HPN: variants seen among roughly 807,000 people sequenced by gnomAD.
The protein encoded by HPN is serine protease hepsin.
HPN carries 13 observed loss-of-function variants against 55.9 expected under a neutral mutation model. The observed-to-expected ratio is 0.23, with a 90% confidence interval of 0.15 to 0.37. The LOEUF (loss-of-function observed/expected upper bound fraction) is 0.37. Among genes scored for constraint, HPN ranks in the 10% least tolerant of loss-of-function variants. The pLI is 1.00. For synonymous variants in HPN, 225 were observed against 240.3 expected (o/e 0.94, Z 0.59); for missense variants, 451 against 575.8 (o/e 0.78, Z 2.22).
chr19:35,046,433 C>T (rs558127180), intron 2 of HPN, among the ~76,000 whole-genome samples: 2 of 152,004 alleles, frequency 1.3e-5, no homozygotes, highest in South Asian at 2.1e-4. Context: ...TTAGTAGAGG[C>T]GGGGTTTCAC....
intron 4 of HPN, among the ~76,000 whole-genome samples, chr19:35,052,434 A>G (rs779378988): frequency 1.3e-5 from 2 of 150,990 alleles, no homozygotes; most frequent in African/African-American, 2.4e-5. Context: ...AGGCTGAGGC[A>G]GGAGAACTGT....
chr19:35,051,593 A>G (rs943050738), intron 4 of HPN, among the ~76,000 whole-genome samples: 29 of 151,972 alleles, frequency 1.9e-4, no homozygotes, highest in African/African-American at 7.0e-4. Flanking sequence ...GACTTGCCCC[A>G]GGTCATGGAG....
chr19:35,061,492 G>A (rs931327036), intron 9 of HPN, among the ~76,000 whole-genome samples: 8 of 152,172 alleles, frequency 5.3e-5, no homozygotes, highest in Non-Finnish European at 1.5e-5. Context: ...TACTCGGGAG[G>A]ATGAGGCAGG....
intron 2 of HPN, among the ~76,000 whole-genome samples, chr19:35,047,439 C>T (rs2064352871): frequency 6.6e-6 from 1 of 152,222 alleles, no homozygotes; most frequent in Non-Finnish European, 1.5e-5. Context: ...GATCCCTGAT[C>T]CCCTGCAGAA....
At chr19:35,066,203 G>A (rs201702432) in intron 12 of HPN, 46 bp from the exon 13 acceptor site, 18 of 1,613,938 alleles carry the variant, frequency 1.1e-5, no homozygotes, top group African/African-American at 2.7e-5. Flanking sequence ...GTGGTGGGAC[G>A]TGGAAGCCTC....
At position 35,060,391 on chromosome 19, in the gene HPN, C is replaced by T. The variant is rs746199985; in HGVS notation, c.499C>T (p.Arg167Trp). 8 of 1,612,842 alleles carry T rather than the reference C, an allele frequency of 5.0e-6. No homozygotes were observed. Among genetic ancestry groups the T allele is most frequent in the African/African-American group, 2.7e-5 (2 of 75,056 alleles). The change falls in exon 8 of 13, where the codon CGG becomes TGG. Residue 167 changes from arginine to tryptophan, a missense_variant. Coordinates refer to ENST00000672452, the MANE Select transcript of HPN (RefSeq NM_001384133.1). ...GCCCGTGGACCGCATCGTGGGAGGC[C>T]GGGACACCAGCTTGGGCCGGTGGCC... ...KLPVDRIVGG[R>W]DTSLGRWPWQ...
At chr19:35,042,099 C>G (rs2064300249) in intron 1 of HPN, 1 of 1,114,754 alleles carries the variant, frequency 9.0e-7, no homozygotes, top group Admixed American at 4.7e-5. Context: ...TTCCAGCCCT[C>G]AGGCCCCTCC....
At chr19:35,042,290 C>T in intron 1 of HPN, 163 bp from the exon 2 acceptor site, 1 of 1,393,394 alleles carries the variant, frequency 7.2e-7, no homozygotes, top group Non-Finnish European at 9.3e-7. Flanking sequence ...CAGACACTGA[C>T]CCCATCCTTG....
chr19:35,066,042 G>A lies in HPN; in HGVS notation c.1215+10G>A. ...CTTCCAGGCCATAAAGGTGAAAGTT[G>A]GGTCCAGATGGGAGCCAGGGTGGGG... is the stretch of plus-strand genomic sequence containing the variant. On this transcript the variant is annotated intron_variant, in intron 12 of 12. Transcript: ENST00000672452. 6.2e-7 allele frequency: 1 copy of A among 1,609,806 alleles called. No homozygotes were observed.
In HPN at chr19:35,048,082, A is replaced by AAAGGAAGG. The variant is rs1555723024; in HGVS notation, c.17-1197_17-1190dup. Among the ~76,000 whole-genome samples, 166 of 97,016 alleles carry AAAGGAAGG rather than the reference A, an allele frequency of 1.7e-3. 3 individuals are homozygous for AAAGGAAGG. Among genetic ancestry groups the AAAGGAAGG allele is most frequent in the South Asian group, 3.6e-3 (10 of 2,798 alleles). The allele number at this position is 97,016 out of a possible 152,430, so 63.6% of individuals were successfully genotyped here. A position where few individuals can be genotyped will look rare whatever the true frequency, so the allele number is the denominator to read the frequency against. On this transcript the variant is annotated intron_variant, in intron 2 of 12. Coordinates refer to ENST00000672452, the MANE Select transcript of HPN (RefSeq NM_001384133.1). ...AAAGAAAGAAAGAAAGAAAGAAAGA[A>AAAGGAAGG]AAGGAAGGAAGGAAGGAAAAGAAAA...
At position 35,059,818 on chromosome 19, in the gene HPN, G is replaced by A. The variant is rs367644236; in HGVS notation, c.290+16G>A. ...GCTTCCTCAGGTACTGGGGGCCCTCGGAGGGGTGGGAGCCGGGAGGGGCTG... is the reference window on the plus strand; with the variant it reads ...GCTTCCTCAGGTACTGGGGGCCCTCAGAGGGGTGGGAGCCGGGAGGGGCTG... On this transcript the variant is annotated intron_variant, in intron 5 of 12. Coordinates refer to ENST00000672452, the MANE Select transcript of HPN (RefSeq NM_001384133.1). 2.5e-4 allele frequency: 384 copies of A among 1,544,506 alleles called. 4 individuals are homozygous for A. Among genetic ancestry groups the A allele is most frequent in the Middle Eastern group, 1.6e-3 (9 of 5,752 alleles).
In HPN at chr19:35,060,474, C is replaced by T. The variant is rs370816267; in HGVS notation, c.582C>T (p.Ser194=). ...ACCTCTGTGGGGGATCCCTGCTCTC[C>T]GGGGACTGGGTGCTGACAGCCGCCC... The part of the protein sequence containing the change: ...GAHLCGGSLL[S]GDWVLTAAHC... Residue 194 remains serine, a synonymous_variant, in exon 8 of 13, where the codon TCC becomes TCT. Transcript: ENST00000672452. The T allele has an allele frequency of 5.7e-5, 92 of 1,613,260 alleles. No individual in the cohort carries two copies. Among genetic ancestry groups the T allele is most frequent in the Non-Finnish European group, 6.9e-5 (81 of 1,179,996 alleles).
At position 35,065,320 on chromosome 19, in the gene HPN, G is replaced by A. The variant is rs139123237; in HGVS notation, c.882G>A (p.Thr294=). The part of the protein sequence containing the change: ...ALVDGKICTV[T]GWGNTQYYGQ... ...TGGATGGCAAGATCTGTACCGTGAC[G>A]GGCTGGGGCAACACGCAGTACTATG... The change falls in exon 10 of 13, where the codon ACG becomes ACA. Residue 294 remains threonine, a synonymous_variant. Coordinates refer to ENST00000672452, the MANE Select transcript of HPN (RefSeq NM_001384133.1). 3.6e-5 allele frequency: 58 copies of A among 1,613,774 alleles called. No individual in the cohort carries two copies. Among genetic ancestry groups the A allele is most frequent in the South Asian group, 4.4e-5 (4 of 91,056 alleles).
At chr19:35,062,845 T>C (rs1568363129) in intron 9 of HPN, among the ~76,000 whole-genome samples, 2 of 152,064 alleles carry the variant, frequency 1.3e-5, no homozygotes, top group African/African-American at 4.8e-5. Flanking sequence ...ATCACACCAC[T>C]GCATTCCAGC....
chr19:35,042,532 C>T lies in HPN; in HGVS notation c.16+10C>T, dbSNP rs766714036. The T allele has an allele frequency of 6.8e-6, 11 of 1,606,656 alleles. No individual in the cohort carries two copies. Among genetic ancestry groups the T allele is most frequent in the Non-Finnish European group, 1.7e-6 (2 of 1,176,352 alleles). ...ATGGCGCAGAAGGAGGGTGAGTCCC[C>T]TTCCCTGAGCCCCAGCTTTGGCTCT... On this transcript the variant is annotated intron_variant, in intron 2 of 12. Transcript: ENST00000672452.
intron 6 of HPN, 56 bp from the exon 7 acceptor site, chr19:35,060,073 G>A (rs1209681076): frequency 6.2e-7 from 1 of 1,613,944 alleles, no homozygotes; most frequent in African/African-American, 1.3e-5. Flanking sequence ...CCTTCCACCT[G>A]TCTTAACTGG....
intron 4 of HPN, among the ~76,000 whole-genome samples, chr19:35,056,245 AT>A (rs1367107116): frequency 1.3e-5 from 2 of 151,074 alleles, no homozygotes; most frequent in East Asian, 3.9e-4. Context: ...GTGGCATTTT[AT>A]TTTTCTCTGT....
chr19:35,065,462 GA>G, intron 10 of HPN, 76 bp from the exon 11 acceptor site: 1 of 1,576,626 alleles, frequency 6.3e-7, no homozygotes, highest in Non-Finnish European at 8.6e-7. Flanking sequence ...ACGCTGAGGG[GA>G]ATGGGGTGGG....
Position 35,065,945 on chromosome 19 carries a change from T to A in HPN, c.1128T>A (p.Ser376Arg). The A allele has an allele frequency of 6.2e-7, 1 of 1,613,962 alleles. No homozygotes were observed. Among genetic ancestry groups the A allele is most frequent in the African/African-American group, 1.3e-5 (1 of 75,054 alleles). Residue 376 changes from serine (S) to arginine (R), a missense_variant, in exon 12 of 13, where the codon AGT becomes AGA. Coordinates refer to ENST00000672452, the MANE Select transcript of HPN (RefSeq NM_001384133.1). ...TPRWRLCGIV[S>R]WGTGCALAQK... ...GTTGGCGGCTGTGTGGCATTGTGAG[T>A]TGGGGCACTGGCTGTGCCCTGGCCC...
Sources: allele counts gnomAD v4.1 joint callset (sites outside exome capture counted in the v4.1 genomes callset), GRCh38; gene constraint gnomAD v4.1.1; transcripts MANE v1.5; gene names NCBI Gene and HGNC (gene_info 2026-07-23, HGNC 2026-07-21).